Variants in WHRN observed in about 807,000 individuals in gnomAD.
WHRN encodes the protein whirlin.
A neutral mutation model predicts 68.3 loss-of-function variants in WHRN; 41 were observed. The ratio of observed to expected loss-of-function variants is 0.60; its 90% CI spans 0.47 to 0.78. The LOEUF is 0.78. Among genes scored for constraint, WHRN ranks in the 30% least tolerant of loss-of-function variants. The pLI, the probability that WHRN is intolerant of heterozygous loss-of-function variation, is 0.00. For synonymous variants in WHRN, 560 were observed against 561.3 expected (o/e 1.00, Z 0.03); for missense variants, 1,243 against 1,244.7 (o/e 1.00, Z 0.02).
At chr9:114,491,224 C>T (rs1394075365) in intron 1 of WHRN, among the ~76,000 whole-genome samples, 1 of 152,174 alleles carries the variant, frequency 6.6e-6, no homozygotes, top group Admixed American at 6.5e-5. Context: ...ATCCCTGTGC[C>T]TCATCACTTT....
At chr9:114,445,186 C>T (rs1446085185) in intron 3 of WHRN, among the ~76,000 whole-genome samples, 1 of 151,968 alleles carries the variant, frequency 6.6e-6, no homozygotes, top group East Asian at 1.9e-4. Flanking sequence ...GGATTACAGG[C>T]GTGCACCACC....
chr9:114,432,317 G>C (rs1290445472), intron 3 of WHRN, among the ~76,000 whole-genome samples: 1 of 152,236 alleles, frequency 6.6e-6, no homozygotes, highest in Non-Finnish European at 1.5e-5. Flanking sequence ...TCTGGGGCAG[G>C]CGCAGGAGCC....
chr9:114,435,567 C>A (rs10114543), intron 3 of WHRN, among the ~76,000 whole-genome samples: 307 of 152,328 alleles, frequency 2.0e-3, no homozygotes, highest in African/African-American at 6.9e-3. Context: ...TTTAATCCAG[C>A]CCCTCATTCT....
intron 1 of WHRN, among the ~76,000 whole-genome samples, chr9:114,497,673 G>C (rs923801997): frequency 6.6e-6 from 1 of 152,208 alleles, no homozygotes; most frequent in Non-Finnish European, 1.5e-5. Context: ...CACTTCTGGG[G>C]ATGTGGTTTG....
chr9:114,486,715 C>T (rs1384136027), intron 1 of WHRN, among the ~76,000 whole-genome samples: 1 of 151,076 alleles, frequency 6.6e-6, no homozygotes, highest in Non-Finnish European at 1.5e-5. Flanking sequence ...AGAGCCACAG[C>T]CCTGGAGGTA....
intron 3 of WHRN, among the ~76,000 whole-genome samples, chr9:114,435,121 C>A (rs1837739095): frequency 6.6e-6 from 1 of 152,276 alleles, no homozygotes; most frequent in East Asian, 1.9e-4. Context: ...AGGCAGATAT[C>A]ACTAATCCCC....
Position 114,406,755 on chromosome 9 carries a change from G to C in WHRN, c.1836C>G (p.Ser612=), listed in dbSNP as rs1478341836. ...AGACAGTGCCCGAGCAGGAAGGCAT[G>C]GAGGAAGGTGGCTGGAGGTCCTCTC... ...LGREDLQPPS[S]MPSCSGTVFS... Residue 612 remains serine (S), a synonymous_variant, in exon 9 of 12, where the codon TCC becomes TCG. Transcript: ENST00000362057. The C allele has an allele frequency of 6.2e-7, 1 of 1,614,140 alleles. No homozygotes were observed. The highest frequency in any genetic ancestry group is 1.7e-5 in the Admixed American group (1 of 60,034).
rs766310202 is a variant in WHRN, at chr9:114,404,010, A to G, written c.2304T>C (p.Ala768=). The change falls in exon 10 of 12, where the codon GCT becomes GCC. Residue 768 remains alanine (A), a synonymous_variant. Coordinates refer to ENST00000362057, the MANE Select transcript of WHRN (RefSeq NM_015404.4). ...CTGGGGCGCTGGCCTCTGCCTCGCC[A>G]GCATCCACACCACTGTCCTCGCTTA... The part of the protein sequence containing the change: ...QTLSEDSGVD[A]GEAEASAPGR... 18 of 1,613,100 alleles carry G rather than the reference A, an allele frequency of 1.1e-5. No homozygotes were observed. In the East Asian group the frequency reaches 3.8e-4, roughly 34 times the overall value.
At chr9:114,456,410 A>G (rs1839803493) in intron 3 of WHRN, among the ~76,000 whole-genome samples, 1 of 152,104 alleles carries the variant, frequency 6.6e-6, no homozygotes, top group African/African-American at 2.4e-5. Context: ...GGGATAGAAG[A>G]AGAAAGGAAC....
At chr9:114,418,052 C>T (rs1198005431) in intron 7 of WHRN, among the ~76,000 whole-genome samples, 2 of 152,148 alleles carry the variant, frequency 1.3e-5, no homozygotes, top group African/African-American at 2.4e-5. Context: ...GGTCCCAGTG[C>T]CCTGCGTACT....
intron 3 of WHRN, among the ~76,000 whole-genome samples, chr9:114,446,178 T>C (rs751579170): frequency 2.0e-5 from 3 of 152,130 alleles, no homozygotes; most frequent in Admixed American, 6.5e-5. Flanking sequence ...CAGAATACTA[T>C]TGTCATAAGA....
chr9:114,501,976 T>C (rs1424582037), intron 1 of WHRN, among the ~76,000 whole-genome samples: 1 of 152,214 alleles, frequency 6.6e-6, no homozygotes, highest in Non-Finnish European at 1.5e-5. Context: ...GGTGTTCTTT[T>C]AAACTGTCCC....
chr9:114,455,521 G>A (rs1839706034), intron 3 of WHRN, among the ~76,000 whole-genome samples: 1 of 151,926 alleles, frequency 6.6e-6, no homozygotes, highest in Admixed American at 6.6e-5. Context: ...GACCAGCCTG[G>A]GCAACATGAC....
At chr9:114,493,899 ACTC>A (rs1843222107) in intron 1 of WHRN, among the ~76,000 whole-genome samples, 1 of 152,050 alleles carries the variant, frequency 6.6e-6, no homozygotes, top group Admixed American at 6.5e-5. Context: ...CATTTACTGA[ACTC>A]CTGCTCTTGC....
At chr9:114,472,994 A>G (rs1198527387) in intron 2 of WHRN, among the ~76,000 whole-genome samples, 2 of 152,208 alleles carry the variant, frequency 1.3e-5, no homozygotes, top group African/African-American at 4.8e-5. Flanking sequence ...AGTGCTGCTG[A>G]GCCCAAAGCC....
chr9:114,423,715 C>G (rs1403897458), intron 6 of WHRN, among the ~76,000 whole-genome samples, 192 bp from the exon 7 acceptor site: 5 of 152,292 alleles, frequency 3.3e-5, no homozygotes, highest in Admixed American at 3.3e-4. Context: ...TCATCTCACT[C>G]CTGCTTCCCT....
chr9:114,466,395 G>GGT lies in WHRN; in HGVS notation c.838-4_838-3insAC. ...CCGTCCCCCAGCACCAGGTTCACCT[G>GGT]TCAGAGGGAGAGGATAACATTAGAG... On this transcript the variant is annotated splice_polypyrimidine_tract_variant and splice_region_variant and intron_variant, in intron 2 of 11. Transcript: ENST00000362057. 6.2e-7 allele frequency: 1 copy of GGT among 1,613,996 alleles called. No homozygotes were observed. Among genetic ancestry groups the GGT allele is most frequent in the Non-Finnish European group, 8.5e-7 (1 of 1,180,026 alleles).
At chr9:114,438,016 AC>A (rs1213106822) in intron 3 of WHRN, among the ~76,000 whole-genome samples, 1 of 152,214 alleles carries the variant, frequency 6.6e-6, no homozygotes, top group Non-Finnish European at 1.5e-5. Context: ...GTTCAACTTC[AC>A]CCATAATAAG....
At chr9:114,445,447 A>G (rs769529883) in intron 3 of WHRN, among the ~76,000 whole-genome samples, 1 of 152,200 alleles carries the variant, frequency 6.6e-6, no homozygotes, top group Non-Finnish European at 1.5e-5. Context: ...CCAAGTGATC[A>G]ATTCCAGGCA....
Sources: allele counts gnomAD v4.1 joint callset (sites outside exome capture counted in the v4.1 genomes callset), GRCh38; gene constraint gnomAD v4.1.1; transcripts MANE v1.5; gene names NCBI Gene and HGNC (gene_info 2026-07-23, HGNC 2026-07-21).